Variants in PPP2R2B observed in about 807,000 individuals in gnomAD.
PPP2R2B encodes protein phosphatase 2 regulatory subunit Bbeta, also known as serine/threonine-protein phosphatase 2A 55 kDa regulatory subunit B beta isoform.
Under a neutral mutation model 46.0 loss-of-function variants are expected in PPP2R2B, and 5 were observed. The ratio of observed to expected loss-of-function variants is 0.11; its 90% CI spans 0.06 to 0.23. The LOEUF (loss-of-function observed/expected upper bound fraction) is 0.23. Ranked by LOEUF, PPP2R2B falls within the 10% of genes least tolerant of loss-of-function variation. The pLI is 1.00. For synonymous variants in PPP2R2B, 215 were observed against 206.7 expected, an observed-to-expected ratio of 1.04 and a Z score of -0.34; for missense variants, 367 against 575.0, an observed-to-expected ratio of 0.64 and a Z score of 3.70.
intron 2 of PPP2R2B, among the ~76,000 whole-genome samples, chr5:147,073,611 T>C (rs1757668664): frequency 6.6e-6 from 1 of 152,334 alleles, no homozygotes; most frequent in South Asian, 2.1e-4. Context: ...TCACATTTAT[T>C]GGCATTCTGG....
chr5:146,798,635 C>T lies in PPP2R2B; in HGVS notation c.70+79367G>A, dbSNP rs139660073. ...AACATAATCTAACAGTGCATTAACA[C>T]TGAGAACAAACAAAATTATCAACAG... On this transcript the variant is annotated intron_variant, in intron 2 of 9. Coordinates refer to ENST00000394411, the MANE Select transcript of PPP2R2B (RefSeq NM_181675.4). 4.3e-3 allele frequency among the ~76,000 whole-genome samples: 660 copies of T among 152,286 alleles called. 21 individuals carry two copies. The highest frequency in any genetic ancestry group is 0.04 in the Admixed American group (609 of 15,282).
At chr5:146,837,513 C>G (rs1759358475) in intron 2 of PPP2R2B, among the ~76,000 whole-genome samples, 1 of 152,072 alleles carries the variant, frequency 6.6e-6, no homozygotes, top group Admixed American at 6.5e-5. Context: ...AGTGCTGGGA[C>G]AGCACTGTTC....
chr5:146,692,527 AT>A (rs34156552), intron 4 of PPP2R2B, among the ~76,000 whole-genome samples: 16,181 of 111,206 alleles, frequency 0.15, 554 homozygotes, highest in African/African-American at 0.21. Context: ...TTTTAATTCA[AT>A]TTTTTTTTTT....
intron 2 of PPP2R2B, among the ~76,000 whole-genome samples, chr5:147,065,982 A>G (rs557291010): frequency 1.2e-4 from 18 of 152,224 alleles, no homozygotes; most frequent in African/African-American, 3.9e-4. Flanking sequence ...TAACCTGATC[A>G]AGGACCCACA....
chr5:146,746,657 C>G (rs955505570), intron 2 of PPP2R2B, among the ~76,000 whole-genome samples: 1 of 152,170 alleles, frequency 6.6e-6, no homozygotes, highest in African/African-American at 2.4e-5. Flanking sequence ...CCTGCTATCC[C>G]CATTTCTTCT....
chr5:146,669,568 C>T (rs1777211734), intron 5 of PPP2R2B, among the ~76,000 whole-genome samples: 1 of 151,920 alleles, frequency 6.6e-6, no homozygotes, highest in Admixed American at 6.6e-5. Context: ...TGGGATTTTT[C>T]AAGAGTATTT....
At chr5:146,737,702 T>A (rs533937525) in intron 2 of PPP2R2B, among the ~76,000 whole-genome samples, 1 of 152,134 alleles carries the variant, frequency 6.6e-6, no homozygotes, top group East Asian at 1.9e-4. Flanking sequence ...AGTGAAAAAA[T>A]TTATAAATGG....
At chr5:146,998,690 T>C (rs1353192010) in intron 1 of PPP2R2B, among the ~76,000 whole-genome samples, 3 of 152,186 alleles carry the variant, frequency 2.0e-5, no homozygotes, top group Admixed American at 1.3e-4. Flanking sequence ...CCAGTGGTTT[T>C]TGAACTATTT....
intron 1 of PPP2R2B, among the ~76,000 whole-genome samples, chr5:147,008,164 A>G (rs924955155): frequency 7.2e-5 from 11 of 152,268 alleles, no homozygotes; most frequent in Admixed American, 3.3e-4. Context: ...AGAGAATGAC[A>G]TTCATTGGAT....
chr5:146,709,763 T>C (rs1433584626), intron 2 of PPP2R2B, among the ~76,000 whole-genome samples: 1 of 152,220 alleles, frequency 6.6e-6, no homozygotes, highest in Non-Finnish European at 1.5e-5. Flanking sequence ...GACAATATCT[T>C]TGATGACACT....
At chr5:146,776,846 A>G (rs1011487274) in intron 2 of PPP2R2B, among the ~76,000 whole-genome samples, 4 of 152,152 alleles carry the variant, frequency 2.6e-5, no homozygotes, top group African/African-American at 9.6e-5. Flanking sequence ...GGAATTGAAT[A>G]CATGTTTTCT....
At chr5:146,817,938 A>G (rs1417722862) in intron 2 of PPP2R2B, among the ~76,000 whole-genome samples, 2 of 152,190 alleles carry the variant, frequency 1.3e-5, no homozygotes, top group Non-Finnish European at 2.9e-5. Flanking sequence ...CTCTGCACCA[A>G]TTCCTTTTCT....
chr5:146,834,706 G>A (rs1431980117), intron 2 of PPP2R2B, among the ~76,000 whole-genome samples: 1 of 147,304 alleles, frequency 6.8e-6, no homozygotes, highest in African/African-American at 2.6e-5. Context: ...AATTGTGTGT[G>A]TTGAGACTTG....
At chr5:147,030,376 GC>G (rs1281475071) in intron 1 of PPP2R2B, among the ~76,000 whole-genome samples, 1 of 151,986 alleles carries the variant, frequency 6.6e-6, no homozygotes, top group Non-Finnish European at 1.5e-5. Context: ...CTAATAGTTT[GC>G]CTATAAGTAC....
rs149241489 is a variant in PPP2R2B at position 146,924,900 on chromosome 5, C to T, written c.79+130765G>A. 5.7e-3 allele frequency among the ~76,000 whole-genome samples: 866 copies of T among 152,158 alleles called. 29 individuals are homozygous for T. The East Asian group carries it at 0.068, about 12-fold the overall frequency. On this transcript the variant is annotated intron_variant, in intron 1 of 8. Coordinates refer to the PPP2R2B transcript ENST00000336640. The stretch of plus-strand genomic sequence containing the variant: ...TTTTTTATGGCTGCATAGTATTCCA[C>T]GGTGTATATGTGCTACATTTTCTTT...
intron 2 of PPP2R2B, among the ~76,000 whole-genome samples, chr5:146,727,922 C>T (rs146359171): frequency 1.0e-3 from 159 of 152,142 alleles, no homozygotes; most frequent in African/African-American, 3.7e-3. Context: ...CTTTATACTT[C>T]TATGAGTTTG....
chr5:146,914,449 C>T (rs1763306077), intron 1 of PPP2R2B: 1 of 152,162 alleles, frequency 6.6e-6, no homozygotes, highest in Non-Finnish European at 1.5e-5. Context: ...GTAAAGATCA[C>T]CTCCAAAATT....
At chr5:147,075,940 T>C (rs1443444054) in intron 2 of PPP2R2B, among the ~76,000 whole-genome samples, 1 of 98,516 alleles carries the variant, frequency 1.0e-5, no homozygotes, top group Non-Finnish European at 2.4e-5. Flanking sequence ...TTATGTTGTT[T>C]AAAATATATT....
intron 1 of PPP2R2B, among the ~76,000 whole-genome samples, chr5:146,929,836 G>A (rs1484355082): frequency 1.3e-5 from 2 of 152,204 alleles, no homozygotes; most frequent in East Asian, 3.9e-4. Flanking sequence ...TCTTTTATCT[G>A]TAAAATAAGG....
Sources: allele counts gnomAD v4.1 joint callset (sites outside exome capture counted in the v4.1 genomes callset), GRCh38; gene constraint gnomAD v4.1.1; transcripts MANE v1.5; gene names NCBI Gene and HGNC (gene_info 2026-07-23, HGNC 2026-07-21).